Variants in SLC67A1 observed in about 807,000 individuals in gnomAD.
SLC67A1 encodes the protein solute carrier family 67 member 1.
At chr11:2,919,612 C>T in the SLC67A1 span, 1 of 560,556 alleles carries the variant, frequency 1.8e-6, no homozygotes, top group Non-Finnish European at 3.2e-6. Context: ...GGACAGTGGA[C>T]TCCGGCCTCT....
the SLC67A1 span, among the ~76,000 whole-genome samples, chr11:2,906,182 A>T: frequency 6.6e-6 from 1 of 152,248 alleles, no homozygotes; most frequent in South Asian, 2.1e-4. Flanking sequence ...ACCATCTCAC[A>T]CCAGTTAGAA....
the SLC67A1 span, chr11:2,917,883 C>G: frequency 1.3e-6 from 1 of 788,516 alleles, no homozygotes; most frequent in East Asian, 2.7e-5. Context: ...AAGCTTTACC[C>G]TGGCGGGCGC....
the SLC67A1 span, among the ~76,000 whole-genome samples, chr11:2,904,882 G>A: frequency 6.6e-6 from 1 of 152,340 alleles, no homozygotes; most frequent in South Asian, 2.1e-4. Context: ...GCCAGAATGG[G>A]ACCACACCCC....
At chr11:2,919,595 G>A in the SLC67A1 span, 10 of 586,216 alleles carry the variant, frequency 1.7e-5, no homozygotes, top group Middle Eastern at 4.5e-4. Flanking sequence ...TGGTGGGCAC[G>A]CTGTGAGGAC....
chr11:2,923,032 G>A, the SLC67A1 span, among the ~76,000 whole-genome samples: 1 of 152,336 alleles, frequency 6.6e-6, no homozygotes, highest in African/African-American at 2.4e-5. The surrounding 1 kb of genome is among the most constrained non-coding windows in gnomAD (Gnocchi z 6.5). Flanking sequence ...AGGTCCCCTA[G>A]ACATAGATTC....
the SLC67A1 span, among the ~76,000 whole-genome samples, chr11:2,917,780 T>C: frequency 6.6e-6 from 1 of 152,322 alleles, no homozygotes; most frequent in South Asian, 2.1e-4. Flanking sequence ...TAGGAATGCG[T>C]AGAAGTGTGC....
chr11:2,900,609 C>G, the SLC67A1 span, among the ~76,000 whole-genome samples: 8 of 140,466 alleles, frequency 5.7e-5, no homozygotes, highest in African/African-American at 1.8e-4. Context: ...AGGAGAATGG[C>G]GTGAACCCGG....
At chr11:2,905,175 G>A in the SLC67A1 span, among the ~76,000 whole-genome samples, 1 of 152,186 alleles carries the variant, frequency 6.6e-6, no homozygotes, top group Non-Finnish European at 1.5e-5. Flanking sequence ...AGGCTCTGGG[G>A]CCCTGCAGCA....
the SLC67A1 span, among the ~76,000 whole-genome samples, chr11:2,901,656 T>C: frequency 9.8e-3 from 1,500 of 152,298 alleles, 51 homozygotes; most frequent in Admixed American, 0.041. Context: ...TGCTGGCATC[T>C]CTGGTGGCCC....
chr11:2,919,309 C>A, the SLC67A1 span: 2 of 1,612,854 alleles, frequency 1.2e-6, no homozygotes, highest in Non-Finnish European at 1.7e-6. Context: ...CGGCTCAGGG[C>A]TCTTCATGGT....
the SLC67A1 span, chr11:2,915,078 C>T: frequency 1.0e-6 from 1 of 985,352 alleles, no homozygotes; most frequent in Non-Finnish European, 1.2e-6. Flanking sequence ...TTGGCGGGGG[C>T]AGCAGCACAG....
the SLC67A1 span, chr11:2,919,431 T>TG: frequency 3.2e-6 from 5 of 1,557,110 alleles, no homozygotes; most frequent in Non-Finnish European, 3.5e-6. Flanking sequence ...CAGGGCCTGC[T>TG]GGGGGGCACG....
the SLC67A1 span, among the ~76,000 whole-genome samples, chr11:2,911,217 G>T: frequency 6.6e-6 from 1 of 152,156 alleles, no homozygotes; most frequent in Non-Finnish European, 1.5e-5. Context: ...AAAAGAGAGG[G>T]GGTCGGGAAG....
the SLC67A1 span, among the ~76,000 whole-genome samples, chr11:2,900,816 T>C: frequency 6.6e-6 from 1 of 152,086 alleles, no homozygotes; most frequent in Middle Eastern, 3.4e-3. Flanking sequence ...CTAATGCTCC[T>C]GGACCGCAAG....
chr11:2,918,000 C>G, the SLC67A1 span: 20 of 1,612,948 alleles, frequency 1.2e-5, no homozygotes, highest in Non-Finnish European at 1.7e-5. Context: ...GGCCCCCGGG[C>G]CAGTGTGTTC....
the SLC67A1 span, among the ~76,000 whole-genome samples, chr11:2,905,429 C>G: frequency 2.6e-5 from 4 of 152,138 alleles, no homozygotes; most frequent in Non-Finnish European, 5.9e-5. Flanking sequence ...GGGGAGACAG[C>G]AGGAGGTTTT....
the SLC67A1 span, chr11:2,919,741 C>T: frequency 2.9e-6 from 1 of 340,000 alleles, no homozygotes; most frequent in South Asian, 4.5e-5. Context: ...CTTGCAGGGT[C>T]CTTGGCAGAT....
At chr11:2,906,675 T>G in the SLC67A1 span, among the ~76,000 whole-genome samples, 1 of 136,048 alleles carries the variant, frequency 7.4e-6, no homozygotes, top group Non-Finnish European at 1.5e-5. Context: ...TGAGAACACC[T>G]GGACACAGGG....
the SLC67A1 span, among the ~76,000 whole-genome samples, chr11:2,924,164 T>C: frequency 6.6e-6 from 1 of 152,218 alleles, no homozygotes; most frequent in African/African-American, 2.4e-5. This position sits in a 1 kb window ranked among gnomAD's most constrained non-coding sequence, Gnocchi z 8.6. Context: ...CACGTGCCCG[T>C]CCATGCTGCG....
Sources: gnomAD v4.1 joint callset for allele counts (sites outside exome capture counted in the v4.1 genomes callset) on GRCh38, gnomAD v4.1.1 for gene constraint, Gnocchi (gnomAD v3.1) non-coding constraint, MANE v1.5 for transcripts, NCBI Gene and HGNC (gene_info 2026-07-23, HGNC 2026-07-21) for gene names.